MYO15B: variants seen among roughly 807,000 people sequenced by gnomAD.
MYO15B encodes the protein myosin XVB.
In MYO15B, 207 loss-of-function variants were observed where a neutral mutation model predicts 119.3. The observed-to-expected ratio is 1.73, with a 90% CI of 1.55 to 1.95. The LOEUF is 1.95. Ranked by LOEUF, MYO15B falls within the 30% of genes most tolerant of loss-of-function variation. The probability of loss-of-function intolerance (pLI) is 0.00; values close to 1 mark genes in which losing one functional copy is unlikely to be tolerated. For missense variants in MYO15B, 2,264 were observed against 1,203.1 expected (o/e 1.88, Z -13.04); for synonymous variants, 966 against 498.9 (o/e 1.94, Z -12.48).
At chr17:75,620,961 G>A (rs1449476493) in intron 49 of MYO15B, 70 bp from the exon 50 acceptor site, 1 of 702,812 alleles carries the variant, frequency 1.4e-6, no homozygotes, top group Admixed American at 2.0e-5. Context: ...GGGGAGGGAT[G>A]GGGCTGGGGC....
intron 21 of MYO15B, among the ~76,000 whole-genome samples, chr17:75,607,553 C>A (rs1467622908): frequency 1.3e-5 from 2 of 151,848 alleles, no homozygotes; most frequent in East Asian, 3.9e-4. Context: ...CAGGTTCAAG[C>A]AATTCTCCTG....
intron 24 of MYO15B, 75 bp from the exon 25 acceptor site, chr17:75,611,811 G>A: frequency 2.9e-6 from 2 of 695,032 alleles, no homozygotes; most frequent in South Asian, 3.0e-5. Context: ...GGCTCGTGGT[G>A]AGGGATGGAG....
intron 12 of MYO15B, among the ~76,000 whole-genome samples, chr17:75,595,894 G>T (rs2056826509): frequency 6.6e-6 from 1 of 152,208 alleles, no homozygotes; most frequent in Admixed American, 6.5e-5. Flanking sequence ...CCTGCCCTCA[G>T]TCCCTGGACG....
At chr17:75,615,558 C>T (rs1305102755) in exon 35 of MYO15B, 3 of 701,314 alleles carry the variant, frequency 4.3e-6, no homozygotes, top group South Asian at 3.0e-5. Context: ...GGCAGCTGGC[C>T]GTCCAGCAGC....
At chr17:75,607,754 C>T (rs1186841864) in intron 21 of MYO15B, among the ~76,000 whole-genome samples, 1 of 152,142 alleles carries the variant, frequency 6.6e-6, no homozygotes, top group Non-Finnish European at 1.5e-5. Flanking sequence ...AGCCACTGCA[C>T]CCGGCCTGTT....
exon 1 of MYO15B, chr17:75,588,494 T>C: frequency 2.5e-6 from 1 of 398,358 alleles, no homozygotes; most frequent in Non-Finnish European, 4.4e-6. Flanking sequence ...CCCAGGAGCC[T>C]CAATGGGGAC....
At chr17:75,605,273 T>C (rs1568157082) in intron 19 of MYO15B, among the ~76,000 whole-genome samples, 1 of 151,364 alleles carries the variant, frequency 6.6e-6, no homozygotes, top group Non-Finnish European at 1.5e-5. Flanking sequence ...CTGTCTCTAC[T>C]AAAAATACAA....
At chr17:75,621,433 T>G in intron 51 of MYO15B, 25 bp downstream of exon 51, 1 of 699,290 alleles carries the variant, frequency 1.4e-6, no homozygotes, top group Non-Finnish European at 2.6e-6. Context: ...GGGAGGGGTC[T>G]GGCCCGTAGA....
chr17:75,607,856 G>T (rs1250891673), intron 21 of MYO15B, among the ~76,000 whole-genome samples: 1 of 152,112 alleles, frequency 6.6e-6, no homozygotes, highest in East Asian at 1.9e-4. Context: ...ACTTTCTGAG[G>T]AGCTGCCAAA....
chr17:75,593,367 G>A (rs1468823639), intron 9 of MYO15B, among the ~76,000 whole-genome samples: 3 of 152,078 alleles, frequency 2.0e-5, no homozygotes, highest in Non-Finnish European at 4.4e-5. Context: ...TTAGGCCAAG[G>A]CGAGCAGATC....
intron 41 of MYO15B, chr17:75,617,579 G>GACACATACCCGACA (rs76162182): frequency 0.29 from 164,862 of 571,816 alleles, 25,187 homozygotes; most frequent in Middle Eastern, 0.34. Flanking sequence ...GGAAGTTAGT[G>GACACATACCCGACA]GCCCTGGCTG....
chr17:75,602,226 T>C (rs988355265), intron 15 of MYO15B: 1 of 500,382 alleles, frequency 2.0e-6, no homozygotes, highest in African/African-American at 1.9e-5. Flanking sequence ...CAAAATAGAT[T>C]TAATATGGAG....
chr17:75,609,981 G>A (rs944457098), intron 21 of MYO15B, among the ~76,000 whole-genome samples, 185 bp from the exon 22 acceptor site: 11 of 152,112 alleles, frequency 7.2e-5, no homozygotes, highest in African/African-American at 2.7e-4. Flanking sequence ...ATCAGCCACC[G>A]CACCCGACCC....
chr17:75,609,603 C>G (rs2057879698), intron 21 of MYO15B, among the ~76,000 whole-genome samples: 1 of 147,104 alleles, frequency 6.8e-6, no homozygotes, highest in Non-Finnish European at 1.5e-5. Flanking sequence ...TAAACAGTCT[C>G]TCAATTTACT....
chr17:75,608,786 T>C (rs1470234039), intron 21 of MYO15B, among the ~76,000 whole-genome samples: 1 of 151,998 alleles, frequency 6.6e-6, no homozygotes, highest in Admixed American at 6.6e-5. Flanking sequence ...CAGGCTGGAG[T>C]GCAATGGCTT....
chr17:75,596,600 G>A (rs1407279417), intron 13 of MYO15B, 45 bp downstream of exon 13: 8 of 700,972 alleles, frequency 1.1e-5, no homozygotes, highest in African/African-American at 5.2e-5. Context: ...CTCAGGCATT[G>A]CCCAGGCAGA....
intron 50 of MYO15B, 54 bp downstream of exon 50, chr17:75,621,230 A>C (rs2058689181): frequency 6.0e-6 from 4 of 661,584 alleles, no homozygotes; most frequent in Non-Finnish European, 1.1e-5. Flanking sequence ...TTCCTGAGAG[A>C]GAGCACCCTG....
chr17:75,589,849 G>C lies in MYO15B; in HGVS notation c.1792G>C (p.Gly598Arg). The C allele has an allele frequency of 5.0e-6, 2 of 398,494 alleles. No homozygotes were observed. The highest frequency in any genetic ancestry group is 8.9e-6 in the Non-Finnish European group (2 of 225,934). 24.7% of individuals were successfully genotyped at this position (398,494 alleles called of 1,614,324 possible). Residue 598 changes from glycine to arginine, a missense_variant, in exon 1 of 64, where the codon GGG becomes CGG. Transcript: ENST00000645453. This position sits in a 1 kb window ranked among gnomAD's most constrained non-coding sequence, Gnocchi z 4.2. ...CAGGACGAGTGGGGAAGGGGTGTCC[G>C]GGCTTCGTCGCGGCTCCCTCCTTGC...
In MYO15B at chr17:75,623,445, C is replaced by T. The variant is rs115048653; in HGVS notation, c.8083-336C>T. ...GGAGTTCGAGATTAAACCTGGCCAA[C>T]GTAGTGAAACCCCATCTCTGCTAAA... On this transcript the variant is annotated intron_variant, in intron 53 of 63. Coordinates refer to ENST00000645453, the Ensembl canonical transcript of MYO15B. 1.5e-3 allele frequency among the ~76,000 whole-genome samples: 232 copies of T among 152,310 alleles called. 2 individuals are homozygous for T. Among genetic ancestry groups the T allele is most frequent in the African/African-American group, 5.0e-3 (208 of 41,570 alleles).
Sources: allele counts gnomAD v4.1 joint callset (sites outside exome capture counted in the v4.1 genomes callset), GRCh38; gene constraint gnomAD v4.1.1; non-coding constraint Gnocchi (gnomAD v3.1); transcripts MANE v1.5; gene names NCBI Gene and HGNC (gene_info 2026-07-23, HGNC 2026-07-21).